NECAB2: variants seen among roughly 807,000 people sequenced by gnomAD.
NECAB2 encodes the protein N-terminal EF-hand calcium-binding protein 2.
NECAB2 carries 68 observed loss-of-function variants against 51.9 expected under a neutral mutation model. That is an observed-to-expected ratio of 1.31 (90% CI 1.08 to 1.60). NECAB2 has a LOEUF of 1.60. NECAB2 is among the 40% of genes most tolerant of loss of function. The pLI, the probability that NECAB2 is intolerant of heterozygous loss-of-function variation, is 0.00. For missense variants in NECAB2, 854 were observed against 490.3 expected (o/e 1.74, Z -7.00); for synonymous variants, 329 against 203.5 (o/e 1.62, Z -5.25).
Position 84,000,742 on chromosome 16 carries a change from C to G in NECAB2, c.981C>G (p.Leu327=), listed in dbSNP as rs2084813263. ...GTTGCAGCATCACTGCCGTGAGGCT[C>G]TCAGATGGCTTCACCTTTGTCATCT... ...RNCFHITAVR[L]SDGFTFVIYE... Residue 327 remains leucine, a synonymous_variant, in exon 11 of 13, where the codon CTC becomes CTG. Transcript: ENST00000305202. 8 of 1,613,778 alleles carry G rather than the reference C, an allele frequency of 5.0e-6. No individual in the cohort carries two copies. The highest frequency in any genetic ancestry group is 5.9e-6 in the Non-Finnish European group (7 of 1,179,992).
chr16:83,994,020 C>A (rs910356388), intron 6 of NECAB2, among the ~76,000 whole-genome samples: 4 of 152,182 alleles, frequency 2.6e-5, no homozygotes, highest in Non-Finnish European at 5.9e-5. Flanking sequence ...GGCTCAGCCT[C>A]ACTCTGGAAC....
rs182860046 is a variant in NECAB2 at position 83,999,245 on chromosome 16, C to T, written c.962+928C>T. ...GAGACTCGGCGTGGCCACGAGGGGC[C>T]ATTCTTGAGTAAGTAGCCAGGATGG... On this transcript the variant is annotated intron_variant, in intron 10 of 12. Transcript: ENST00000305202. Among the ~76,000 whole-genome samples, 6 of 151,292 alleles carry T rather than the reference C, an allele frequency of 4.0e-5. No homozygotes were observed. In the East Asian group the frequency reaches 1.2e-3, roughly 29 times the overall value.
intron 2 of NECAB2, among the ~76,000 whole-genome samples, chr16:83,976,783 AT>A (rs773805799): frequency 5.7e-4 from 87 of 152,246 alleles, no homozygotes; most frequent in Middle Eastern, 3.4e-3. Flanking sequence ...TTTATGCTCT[AT>A]GGGGTTAAAG....
At position 83,968,834 on chromosome 16, in the gene NECAB2, C is replaced by A. The variant is rs1159307759; in HGVS notation, c.186C>A (p.Thr62=). 8.9e-7 allele frequency: 1 copy of A among 1,127,220 alleles called. No homozygotes were observed. Among genetic ancestry groups the A allele is most frequent in the East Asian group, 4.7e-5 (1 of 21,276 alleles). The allele number at this position is 1,127,220 out of a possible 1,614,324, so 69.8% of individuals were successfully genotyped here. The change falls in exon 1 of 13, where the codon ACC becomes ACA. Residue 62 remains threonine, a synonymous_variant. Transcript: ENST00000305202. The stretch of plus-strand genomic sequence containing the variant: ...GCCCAGCCTCGCCGCGCGGGGGCAC[C>A]GCCGTCATCCTGGACGTGAGTACGC... ...DPGPASPRGG[T]AVILDIFRRA... is the part of the protein sequence containing the mutation.
At chr16:83,981,488 G>T (rs966663368) in intron 5 of NECAB2, among the ~76,000 whole-genome samples, 5 of 151,972 alleles carry the variant, frequency 3.3e-5, no homozygotes, top group African/African-American at 1.2e-4. Context: ...GCGTGGTGGG[G>T]GGTGGTGGTT....
intron 9 of NECAB2, among the ~76,000 whole-genome samples, chr16:83,997,635 G>A (rs1286037768): frequency 6.6e-6 from 1 of 151,766 alleles, no homozygotes; most frequent in Admixed American, 6.6e-5. Context: ...TTACAGGTGT[G>A]TGCCACCACG....
chr16:83,967,876 G>A (rs2084304165), upstream of NECAB2, among the ~76,000 whole-genome samples: 1 of 149,890 alleles, frequency 6.7e-6, no homozygotes. Context: ...ATGAATGGTT[G>A]GGAGGGTGGG....
intron 1 of NECAB2, among the ~76,000 whole-genome samples, chr16:83,969,574 C>T (rs191701949): frequency 6.6e-6 from 1 of 152,192 alleles, no homozygotes; most frequent in African/African-American, 2.4e-5. Context: ...ACCCCTCACC[C>T]CTCCTAACTC....
At chr16:83,999,180 C>A (rs988298901) in intron 10 of NECAB2, among the ~76,000 whole-genome samples, 1 of 152,134 alleles carries the variant, frequency 6.6e-6, no homozygotes, top group East Asian at 1.9e-4. Flanking sequence ...ACCTGTAGCA[C>A]GAGGGGAGGA....
intron 10 of NECAB2, among the ~76,000 whole-genome samples, chr16:83,998,805 C>T (rs2084761172): frequency 6.6e-6 from 1 of 152,146 alleles, no homozygotes. Context: ...TGCCCTTCTC[C>T]CCCTGATGTG....
At chr16:83,972,313 A>C (rs1246138006) in intron 2 of NECAB2, 138 bp downstream of exon 2, 14 of 1,223,362 alleles carry the variant, frequency 1.1e-5, no homozygotes, top group Non-Finnish European at 1.6e-5. Flanking sequence ...TAGAAGGCCA[A>C]ATCCTGCTGC....
Position 84,001,826 on chromosome 16 carries a change from C to T in NECAB2, c.1042C>T (p.His348Tyr), listed in dbSNP as rs1344823489. Reference sequence around the variant, plus strand: ...CTCACACATGTCCCTGCGTCACAGGCACCTGCAGAGCCCCCTGTGTAAGGC... The same window carrying T: ...CTCACACATGTCCCTGCGTCACAGGTACCTGCAGAGCCCCCTGTGTAAGGC... The part of the protein sequence containing the change: ...FWETEEAWKR[H>Y]LQSPLCKAFR... The change falls in exon 12 of 13, where the codon CAC (histidine) becomes TAC (tyrosine). Residue 348 changes from histidine (H) to tyrosine (Y), a missense_variant and splice_region_variant. Coordinates refer to ENST00000305202, the MANE Select transcript of NECAB2 (RefSeq NM_019065.3). 4 of 1,613,932 alleles carry T rather than the reference C, an allele frequency of 2.5e-6. No homozygotes were observed. Among genetic ancestry groups the T allele is most frequent in the African/African-American group, 2.7e-5 (2 of 74,940 alleles).
At chr16:84,002,005 T>C (rs2084846954) in intron 12 of NECAB2, 89 bp downstream of exon 12, 2 of 1,421,810 alleles carry the variant, frequency 1.4e-6, no homozygotes, top group Admixed American at 3.9e-5. Flanking sequence ...CCCGGGGACT[T>C]GCCTGCTTGC....
chr16:84,002,593 C>A lies in NECAB2; in HGVS notation c.*247C>A. The A allele has an allele frequency of 1.7e-6, 1 of 584,016 alleles. No homozygotes were observed. Among genetic ancestry groups the A allele is most frequent in the South Asian group, 2.0e-5 (1 of 49,896 alleles). The allele number at this position is 584,016 out of a possible 1,614,324, so 36.2% of individuals were successfully genotyped here. A position where few individuals can be genotyped will look rare whatever the true frequency, so the allele number is the denominator to read the frequency against. ...AGGGGGCGGCTTCCTGGAGCCAGCACCCCTGCCTCCTGGTCCTGGCCTCTC... is the reference window on the plus strand; with the variant it reads ...AGGGGGCGGCTTCCTGGAGCCAGCAACCCTGCCTCCTGGTCCTGGCCTCTC... On this transcript the variant is annotated 3_prime_UTR_variant, in exon 13 of 13. Transcript: ENST00000305202.
At chr16:83,996,662 G>T (rs905831516) in intron 8 of NECAB2, among the ~76,000 whole-genome samples, 4 of 152,092 alleles carry the variant, frequency 2.6e-5, no homozygotes, top group African/African-American at 7.2e-5. Context: ...TTCAGAGCCG[G>T]GGTTCTCTGC....
intron 10 of NECAB2, among the ~76,000 whole-genome samples, chr16:83,998,977 G>A (rs772194029): frequency 5.4e-4 from 82 of 152,148 alleles, no homozygotes; most frequent in Admixed American, 7.2e-4. Context: ...GTGGTCCCCC[G>A]CCCCCCGTTT....
intron 6 of NECAB2, among the ~76,000 whole-genome samples, chr16:83,992,233 G>C (rs1222552588): frequency 2.7e-5 from 4 of 150,814 alleles, no homozygotes; most frequent in Non-Finnish European, 4.4e-5. Context: ...GTTAGGCCTT[G>C]TTTGTGTGCT....
intron 10 of NECAB2, among the ~76,000 whole-genome samples, chr16:83,998,838 A>C (rs140743689): frequency 6.6e-6 from 1 of 152,054 alleles, no homozygotes; most frequent in Non-Finnish European, 1.5e-5. Context: ...GGGCGGGGCA[A>C]GCGGCCTTAC....
chr16:83,982,852 TTTTG>T (rs2084506275), intron 5 of NECAB2, among the ~76,000 whole-genome samples: 1 of 151,984 alleles, frequency 6.6e-6, no homozygotes, highest in Admixed American at 6.6e-5. Context: ...TTTCCTTTTT[TTTTG>T]TTTTCTTTTT....
Sources: gnomAD v4.1 joint callset for allele counts (sites outside exome capture counted in the v4.1 genomes callset) on GRCh38, gnomAD v4.1.1 for gene constraint, MANE v1.5 for transcripts, NCBI Gene and HGNC (gene_info 2026-07-23, HGNC 2026-07-21) for gene names.